ANKFN1: variants seen among roughly 807,000 people sequenced by gnomAD.
The protein encoded by ANKFN1 is ankyrin repeat and fibronectin type-III domain-containing protein 1.
Under a neutral mutation model 108.7 loss-of-function variants are expected in ANKFN1, and 74 were observed. The ratio of observed to expected loss-of-function variants is 0.68; its 90% CI spans 0.56 to 0.83. ANKFN1 has a LOEUF of 0.83. Ranked by LOEUF, ANKFN1 falls within the 40% of genes least tolerant of loss-of-function variation. ANKFN1 has a pLI of 0.00. For synonymous variants in ANKFN1, 547 were observed against 516.2 expected, an observed-to-expected ratio of 1.06 and a Z score of -0.81; for missense variants, 1,505 against 1,382.3, an observed-to-expected ratio of 1.09 and a Z score of -1.41.
intron 1 of ANKFN1, among the ~76,000 whole-genome samples, chr17:56,201,938 G>A (rs901393827): frequency 2.0e-5 from 3 of 152,164 alleles, no homozygotes; most frequent in African/African-American, 7.2e-5. Flanking sequence ...CATCCAGTGG[G>A]CACTGAGACC....
At chr17:56,479,338 C>T (rs1281639334) in intron 16 of ANKFN1, among the ~76,000 whole-genome samples, 3 of 152,174 alleles carry the variant, frequency 2.0e-5, no homozygotes, top group Non-Finnish European at 2.9e-5. Context: ...ATGTTAGCCA[C>T]GTTGTCCTTT....
In ANKFN1 at chr17:56,480,752, G is replaced by T. The variant is rs2050664913; in HGVS notation, c.2025G>T (p.Leu675Phe). The change falls in exon 17 of 21, where the codon TTG becomes TTT. Residue 675 changes from leucine to phenylalanine, a missense_variant. By Grantham distance (22) the Leu-to-Phe change is conservative. Transcript: ENST00000682825. ...VDHTSDCPMQ[L>F]FFYELQMAVK... ...ATACTTCTGACTGCCCCATGCAATT[G>T]TTCTTCTACGAGCTCCAGATGGCAG... is the stretch of plus-strand genomic sequence containing the variant. The T allele has an allele frequency of 2.5e-6, 4 of 1,613,876 alleles. No individual in the cohort carries two copies. The highest frequency in any genetic ancestry group is 2.7e-5 in the African/African-American group (2 of 74,882).
intron 4 of ANKFN1, among the ~76,000 whole-genome samples, chr17:56,140,252 C>T (rs1270595522): frequency 6.6e-6 from 1 of 152,124 alleles, no homozygotes; most frequent in Non-Finnish European, 1.5e-5. Flanking sequence ...TAGTTAGTCA[C>T]CAATTTGTGT....
intron 4 of ANKFN1, among the ~76,000 whole-genome samples, chr17:56,112,995 A>G (rs1455749816): frequency 2.0e-5 from 3 of 152,238 alleles, no homozygotes; most frequent in Non-Finnish European, 4.4e-5. Flanking sequence ...TGAATTTCCC[A>G]AAGAGCAATT....
At chr17:56,463,700 C>T (rs565053569) in intron 14 of ANKFN1, 13 of 152,308 alleles carry the variant, frequency 8.5e-5, no homozygotes, top group African/African-American at 3.1e-4. Context: ...AAACTTTCCT[C>T]CTCCATAGCT....
intron 8 of ANKFN1, among the ~76,000 whole-genome samples, chr17:56,431,753 G>A (rs1261992093): frequency 2.6e-5 from 4 of 152,258 alleles, no homozygotes; most frequent in Non-Finnish European, 5.9e-5. Context: ...TGGCAAGAAA[G>A]TTGAACTGTT....
rs115805193 is a variant in ANKFN1 at position 56,350,628 on chromosome 17, G to T, written c.189-138G>T. ...TCTCATTTAAAACATAAAAAAAGCT[G>T]GGTCTGATAATCTCTAAGGTCCCTA... On this transcript the variant is annotated intron_variant, in intron 4 of 20. Coordinates refer to ENST00000682825, the MANE Select transcript of ANKFN1 (RefSeq NM_001370326.1). 2.1e-4 allele frequency: 163 copies of T among 762,180 alleles called. No homozygotes were observed. In the African/African-American group the frequency reaches 2.8e-3, roughly 13 times the overall value. The allele number at this position is 762,180 out of a possible 1,614,324, so 47.2% of individuals were successfully genotyped here.
Position 56,092,266 on chromosome 17 carries a change from A to ATTTTTTT in ANKFN1, c.288+45956_288+45962dup, listed in dbSNP as rs748898792. The stretch of plus-strand genomic sequence containing the variant: ...ATGTAGGCACAGGGAGTGAGGTAGT[A>ATTTTTTT]TTTTTTTTTTTTTTTTTTTTTGAGA... On this transcript the variant is annotated intron_variant, in intron 4 of 12. Transcript: ENST00000635860. Among the ~76,000 whole-genome samples the ATTTTTTT allele has an allele frequency of 2.4e-3, 265 of 111,372 alleles. 6 individuals are homozygous for ATTTTTTT. The highest frequency in any genetic ancestry group is 0.01 in the African/African-American group (252 of 24,894). 73.1% of individuals were successfully genotyped at this position (111,372 alleles called of 152,430 possible). A position where few individuals can be genotyped will look rare whatever the true frequency, so the allele number is the denominator to read the frequency against.
intron 4 of ANKFN1, among the ~76,000 whole-genome samples, chr17:56,133,303 C>T (rs1272480175): frequency 6.6e-6 from 1 of 152,112 alleles, no homozygotes; most frequent in African/African-American, 2.4e-5. Flanking sequence ...GCTGAGGGTC[C>T]TAGCTTGCAT....
At chr17:56,481,381 G>C (rs892352509) in intron 17 of ANKFN1, among the ~76,000 whole-genome samples, 2 of 152,126 alleles carry the variant, frequency 1.3e-5, no homozygotes, top group African/African-American at 2.4e-5. Flanking sequence ...GCATAAAGGA[G>C]AATAGTAAAA....
At chr17:56,224,926 CT>C (rs1221730352) in intron 2 of ANKFN1, 2 of 152,304 alleles carry the variant, frequency 1.3e-5, no homozygotes, top group Non-Finnish European at 2.9e-5. Context: ...GGAGGGTAAC[CT>C]GCTGGCCATG....
intron 3 of ANKFN1, among the ~76,000 whole-genome samples, chr17:56,306,193 G>T (rs547674556): frequency 4.3e-4 from 65 of 152,104 alleles, no homozygotes; most frequent in Admixed American, 1.0e-3. Context: ...CCTAAAAAAC[G>T]TCTTGCTGAG....
At chr17:56,298,231 C>A (rs1006226600) in intron 3 of ANKFN1, among the ~76,000 whole-genome samples, 1 of 152,174 alleles carries the variant, frequency 6.6e-6, no homozygotes, top group Admixed American at 6.5e-5. Context: ...GAAGAAAATG[C>A]ACCAAAAGAT....
chr17:56,136,656 G>T (rs1907616547), intron 4 of ANKFN1, among the ~76,000 whole-genome samples: 1 of 152,168 alleles, frequency 6.6e-6, no homozygotes, highest in Non-Finnish European at 1.5e-5. Context: ...TAGTTCTTAG[G>T]CAATAGTAAA....
At chr17:56,316,988 C>A (rs778950867) in intron 3 of ANKFN1, among the ~76,000 whole-genome samples, 1 of 152,156 alleles carries the variant, frequency 6.6e-6, no homozygotes, top group Non-Finnish European at 1.5e-5. Flanking sequence ...AAATAACACA[C>A]GTTTAAAGCA....
chr17:56,237,020 T>C (rs1917205347), intron 3 of ANKFN1, among the ~76,000 whole-genome samples: 1 of 152,220 alleles, frequency 6.6e-6, no homozygotes, highest in African/African-American at 2.4e-5. Context: ...GAGATAATCA[T>C]GTTGTTTTTG....
chr17:56,477,712 C>T, intron 16 of ANKFN1, 58 bp downstream of exon 16: 1 of 1,560,660 alleles, frequency 6.4e-7, no homozygotes, highest in Non-Finnish European at 8.7e-7. Flanking sequence ...AAGTGACCAG[C>T]TTGATGTGCC....
intron 1 of ANKFN1, among the ~76,000 whole-genome samples, chr17:56,199,359 G>A (rs980012916): frequency 1.3e-5 from 2 of 149,084 alleles, no homozygotes; most frequent in Non-Finnish European, 3.0e-5. Flanking sequence ...ATTTTTTTCA[G>A]TCAATTCTTA....
At chr17:56,480,917 G>C in intron 17 of ANKFN1, 99 bp downstream of exon 17, 3 of 1,278,366 alleles carry the variant, frequency 2.3e-6, no homozygotes, top group Non-Finnish European at 3.2e-6. Flanking sequence ...GTGTGTGTGT[G>C]TGTGTAAATT....
Sources: gnomAD v4.1 joint callset for allele counts (sites outside exome capture counted in the v4.1 genomes callset) on GRCh38, gnomAD v4.1.1 for gene constraint, MANE v1.5 for transcripts, NCBI Gene and HGNC (gene_info 2026-07-23, HGNC 2026-07-21) for gene names.